The following MACROD2 variants were observed in gnomAD, a reference collection of about 807,000 sequenced individuals.
MACROD2 encodes the protein ADP-ribose glycohydrolase MACROD2.
In MACROD2, 36 loss-of-function variants were observed where a neutral mutation model predicts 70.4. The observed-to-expected ratio is 0.51, with a 90% CI of 0.39 to 0.68. The LOEUF (loss-of-function observed/expected upper bound fraction) is 0.68, where lower values mean the gene tolerates loss of function less well. Among genes scored for constraint, MACROD2 ranks in the 30% least tolerant of loss-of-function variants. The probability of loss-of-function intolerance (pLI) is 0.00; values close to 1 mark genes in which losing one functional copy is unlikely to be tolerated. For missense variants in MACROD2, 496 were observed against 538.4 expected, an observed-to-expected ratio of 0.92 and a Z score of 0.78; for synonymous variants, 172 against 178.8, an observed-to-expected ratio of 0.96 and a Z score of 0.30.
chr20:14,303,100 C>G (rs1361369498), intron 3 of MACROD2, among the ~76,000 whole-genome samples: 1 of 152,092 alleles, frequency 6.6e-6, no homozygotes, highest in Admixed American at 6.6e-5. Context: ...CTTACTATGG[C>G]TTATATTTAT....
intron 2 of MACROD2, among the ~76,000 whole-genome samples, chr20:14,076,487 C>CA (rs140845941): frequency 0.081 from 11,849 of 146,336 alleles, 503 homozygotes; most frequent in Middle Eastern, 0.12. Flanking sequence ...CCATCTCTAC[C>CA]AAAAAAAAAA....
intron 6 of MACROD2, among the ~76,000 whole-genome samples, chr20:15,409,529 T>G (rs1382483408): frequency 5.3e-5 from 8 of 152,234 alleles, no homozygotes; most frequent in African/African-American, 1.9e-4. Context: ...GGCACTGATA[T>G]GAGCATACTT....
intron 6 of MACROD2, among the ~76,000 whole-genome samples, chr20:15,298,835 C>G (rs909347657): frequency 6.6e-6 from 1 of 152,124 alleles, no homozygotes; most frequent in Admixed American, 6.5e-5. Flanking sequence ...CATATGAGCT[C>G]ATTTAATCTT....
At chr20:15,933,527 C>G (rs1373240177) in intron 11 of MACROD2, 189 bp downstream of exon 11, 7 of 515,686 alleles carry the variant, frequency 1.4e-5, no homozygotes, top group South Asian at 2.3e-5. Context: ...AACAGAGTGG[C>G]ACATTCTCAC....
chr20:14,822,913 A>C (rs2072862829), intron 5 of MACROD2, among the ~76,000 whole-genome samples: 1 of 152,098 alleles, frequency 6.6e-6, no homozygotes, highest in African/African-American at 2.4e-5. Flanking sequence ...AAGTGCTGTC[A>C]TTTGATTACA....
In MACROD2 at chr20:16,050,522, T is replaced by C. The variant is rs1038036791; in HGVS notation, c.*646T>C. 4 of 152,180 alleles carry C rather than the reference T, an allele frequency of 2.6e-5. No individual in the cohort carries two copies. Among genetic ancestry groups the C allele is most frequent in the African/African-American group, 9.7e-5 (4 of 41,422 alleles). 9.4% of individuals were successfully genotyped at this position (152,180 alleles called of 1,614,324 possible). On this transcript the variant is annotated 3_prime_UTR_variant, in exon 18 of 18. Transcript: ENST00000684519. ...AGAGTGCAGAGGCATAACAGAAGGG[T>C]GGGCCCTGGCAGCCATCTGGGTCTC...
In MACROD2 at chr20:14,014,154, G is replaced by C. The variant is rs186011378; in HGVS notation, c.163+11750G>C. The stretch of plus-strand genomic sequence containing the variant: ...TTTCCTTAAATACATTTTGGTCAGC[G>C]TGAACAGATATTTTGACATGGGTTA... On this transcript the variant is annotated intron_variant, in intron 2 of 17. Coordinates refer to ENST00000684519, the MANE Select transcript of MACROD2 (RefSeq NM_001351661.2). 5.3e-4 allele frequency among the ~76,000 whole-genome samples: 81 copies of C among 152,126 alleles called. 1 individual carries two copies. The East Asian group carries it at 0.015, about 28-fold the overall frequency.
At chr20:15,610,559 T>G (rs2048953082) in intron 8 of MACROD2, among the ~76,000 whole-genome samples, 1 of 152,184 alleles carries the variant, frequency 6.6e-6, no homozygotes, top group Admixed American at 6.5e-5. Flanking sequence ...CATCCAGAGA[T>G]GCATCCAGGA....
At chr20:15,852,092 G>T (rs888506617) in intron 8 of MACROD2, among the ~76,000 whole-genome samples, 4 of 152,160 alleles carry the variant, frequency 2.6e-5, no homozygotes, top group African/African-American at 9.7e-5. Flanking sequence ...GTGTGTGCAC[G>T]TGTCTGTTCC....
At chr20:14,547,715 A>G (rs1787143018) in intron 4 of MACROD2, 1 of 152,256 alleles carries the variant, frequency 6.6e-6, no homozygotes, top group African/African-American at 2.4e-5. Flanking sequence ...GCTTAAAACA[A>G]CTTACTATTT....
intron 3 of MACROD2, among the ~76,000 whole-genome samples, chr20:14,194,776 C>T (rs1353533289): frequency 6.6e-6 from 1 of 152,138 alleles, no homozygotes; most frequent in Non-Finnish European, 1.5e-5. Context: ...GAAAAGAAAG[C>T]TTGGTTTGAT....
chr20:15,131,179 G>T (rs1031036188), intron 5 of MACROD2, among the ~76,000 whole-genome samples: 1 of 152,060 alleles, frequency 6.6e-6, no homozygotes, highest in African/African-American at 2.4e-5. Context: ...AGTTTATCAT[G>T]GTTGACATGG....
At chr20:14,588,531 T>C (rs1039328056) in intron 4 of MACROD2, among the ~76,000 whole-genome samples, 1 of 152,182 alleles carries the variant, frequency 6.6e-6, no homozygotes, top group African/African-American at 2.4e-5. Context: ...TGTCTTCCAC[T>C]TACACTGTAT....
At chr20:14,889,097 T>C (rs1376379429) in intron 5 of MACROD2, among the ~76,000 whole-genome samples, 1 of 152,148 alleles carries the variant, frequency 6.6e-6, no homozygotes, top group Non-Finnish European at 1.5e-5. Context: ...GCAGTATGAA[T>C]AGAAACAATT....
chr20:14,033,700 A>T (rs1405263078), intron 2 of MACROD2, among the ~76,000 whole-genome samples: 1 of 152,122 alleles, frequency 6.6e-6, no homozygotes, highest in Non-Finnish European at 1.5e-5. Context: ...CAAATCCATA[A>T]CCACCATTAG....
At chr20:15,764,702 C>A (rs2147003472) in intron 8 of MACROD2, among the ~76,000 whole-genome samples, 1 of 152,270 alleles carries the variant, frequency 6.6e-6, no homozygotes, top group South Asian at 2.1e-4. Flanking sequence ...ATGGGTTTTC[C>A]TGATTTGACT....
chr20:15,481,093 T>C (rs1030295760), intron 7 of MACROD2, among the ~76,000 whole-genome samples: 1 of 152,236 alleles, frequency 6.6e-6, no homozygotes, highest in Admixed American at 6.5e-5. Flanking sequence ...CACACGTATT[T>C]AATATTTAAT....
intron 5 of MACROD2, among the ~76,000 whole-genome samples, chr20:15,126,064 A>C (rs1370849017): frequency 1.4e-5 from 2 of 145,256 alleles, no homozygotes; most frequent in African/African-American, 5.1e-5. Flanking sequence ...GATATAGTAC[A>C]TTTTGTATAT....
At chr20:14,904,803 CA>C (rs1364569735) in intron 5 of MACROD2, 1 of 152,064 alleles carries the variant, frequency 6.6e-6, no homozygotes, top group Admixed American at 6.6e-5. Flanking sequence ...CAGAATCTGG[CA>C]CATAGTAAAT....
Sources: gnomAD v4.1 joint callset for allele counts (sites outside exome capture counted in the v4.1 genomes callset) on GRCh38, gnomAD v4.1.1 for gene constraint, MANE v1.5 for transcripts, NCBI Gene and HGNC (gene_info 2026-07-23, HGNC 2026-07-21) for gene names.